Variants in PTPRN2 observed in about 807,000 individuals in gnomAD.
The protein encoded by PTPRN2 is protein tyrosine phosphatase receptor type N2.
A neutral mutation model predicts 118.8 loss-of-function variants in PTPRN2; 74 were observed. That is an observed-to-expected ratio of 0.62 (90% CI 0.52 to 0.76). PTPRN2 has a LOEUF of 0.76. Among genes scored for constraint, PTPRN2 ranks in the 30% least tolerant of loss-of-function variants. PTPRN2 has a pLI of 0.00. For missense variants in PTPRN2, 1,481 were observed against 1,394.4 expected (o/e 1.06, Z -0.99); for synonymous variants, 641 against 608.0 (o/e 1.05, Z -0.80).
intron 2 of PTPRN2, among the ~76,000 whole-genome samples, chr7:158,397,080 AATT>A (rs1342005903): frequency 6.6e-6 from 1 of 152,218 alleles, no homozygotes; most frequent in Non-Finnish European, 1.5e-5. Flanking sequence ...TTGCTCTTTT[AATT>A]ATTCTGAAAG....
intron 12 of PTPRN2, among the ~76,000 whole-genome samples, chr7:157,839,986 CTGTGTGGCCG>C (rs1428254088): frequency 1.4e-5 from 2 of 144,262 alleles, no homozygotes; most frequent in Non-Finnish European, 3.0e-5. Flanking sequence ...CCACATTTGA[CTGTGTGGCCG>C]TGTGTGACTG....
intron 2 of PTPRN2, among the ~76,000 whole-genome samples, chr7:158,468,600 T>C (rs1819552992): frequency 6.6e-6 from 1 of 152,134 alleles, no homozygotes; most frequent in African/African-American, 2.4e-5. Context: ...GCTGACCCCC[T>C]TGTTTTGCAC....
intron 8 of PTPRN2, 60 bp downstream of exon 8, chr7:158,136,595 A>G: frequency 6.5e-7 from 1 of 1,546,906 alleles, no homozygotes; most frequent in Non-Finnish European, 8.9e-7. Context: ...CACACCATGA[A>G]CAAAAAGATC....
intron 2 of PTPRN2, among the ~76,000 whole-genome samples, chr7:158,452,655 G>A (rs540968643): frequency 2.0e-5 from 3 of 152,338 alleles, no homozygotes; most frequent in South Asian, 4.1e-4. Flanking sequence ...TGGGGGGCTC[G>A]ATAAGACAGG....
At chr7:157,752,486 G>A (rs778536854) in intron 12 of PTPRN2, among the ~76,000 whole-genome samples, 9 of 152,202 alleles carry the variant, frequency 5.9e-5, no homozygotes, top group Non-Finnish European at 1.2e-4. Flanking sequence ...CGACTGGTGC[G>A]CGGTGTGGCT....
chr7:158,155,363 G>A (rs1821611389), intron 6 of PTPRN2, among the ~76,000 whole-genome samples: 1 of 152,108 alleles, frequency 6.6e-6, no homozygotes, highest in Admixed American at 6.6e-5. Flanking sequence ...GCTCCTAAGT[G>A]CCTTTACAAC....
At chr7:158,562,524 A>T (rs185023490) in intron 1 of PTPRN2, among the ~76,000 whole-genome samples, 32 of 152,314 alleles carry the variant, frequency 2.1e-4, no homozygotes, top group Admixed American at 1.9e-3. Context: ...ACAGCAGCAG[A>T]GGAAATGCAA....
Position 157,883,067 on chromosome 7 carries a change from A to C in PTPRN2, c.1788+15606T>G, listed in dbSNP as rs556398765. On this transcript the variant is annotated intron_variant, in intron 12 of 22. Coordinates refer to ENST00000389418, the MANE Select transcript of PTPRN2 (RefSeq NM_002847.5). The stretch of plus-strand genomic sequence containing the variant: ...GGAGATCAAAACACACCACCTCAAA[A>C]TGACTGTTGTTGGAGACCAGAACAC... 3.1e-4 allele frequency among the ~76,000 whole-genome samples: 47 copies of C among 151,042 alleles called. 1 individual carries two copies. The highest frequency in any genetic ancestry group is 4.2e-4 in the South Asian group (2 of 4,724).
intron 18 of PTPRN2, among the ~76,000 whole-genome samples, chr7:157,577,626 C>A (rs1010590842): frequency 1.3e-5 from 2 of 152,198 alleles, no homozygotes; most frequent in African/African-American, 4.8e-5. Flanking sequence ...TAAAAACGGA[C>A]CCCACTTAAA....
intron 4 of PTPRN2, among the ~76,000 whole-genome samples, chr7:158,199,422 G>T (rs1006723422): frequency 6.6e-6 from 1 of 152,228 alleles, no homozygotes; most frequent in Admixed American, 6.5e-5. Flanking sequence ...TGTGGGAAGA[G>T]AAGAACCAGC....
intron 5 of PTPRN2, among the ~76,000 whole-genome samples, chr7:158,173,765 C>T (rs1823930373): frequency 6.6e-6 from 1 of 152,162 alleles, no homozygotes; most frequent in Non-Finnish European, 1.5e-5. Context: ...GCATTCCTTC[C>T]CCAGGATTAT....
At chr7:157,890,000 A>T (rs1170377720) in intron 12 of PTPRN2, among the ~76,000 whole-genome samples, 1 of 152,220 alleles carries the variant, frequency 6.6e-6, no homozygotes, top group Non-Finnish European at 1.5e-5. Context: ...AAAATTTTAA[A>T]TGAAATCACA....
At chr7:158,282,800 A>T (rs550739932) in intron 3 of PTPRN2, among the ~76,000 whole-genome samples, 4 of 140,438 alleles carry the variant, frequency 2.8e-5, no homozygotes, top group South Asian at 4.6e-4. Context: ...CAGACAGCTG[A>T]TCCCTCCTCG....
chr7:158,472,297 G>A (rs977486698), intron 2 of PTPRN2, among the ~76,000 whole-genome samples: 10 of 152,180 alleles, frequency 6.6e-5, no homozygotes, highest in African/African-American at 9.7e-5. Context: ...ATGGGAAGAC[G>A]CCCGATCAGT....
chr7:157,785,792 T>C lies in PTPRN2; in HGVS notation c.1789-102855A>G, dbSNP rs1803998038. 6.6e-6 allele frequency among the ~76,000 whole-genome samples: 1 copy of C among 152,104 alleles called. No homozygotes were observed. Among genetic ancestry groups the C allele is most frequent in the African/African-American group, 2.4e-5 (1 of 41,432 alleles). On this transcript the variant is annotated intron_variant, in intron 12 of 22. Coordinates refer to ENST00000389418, the MANE Select transcript of PTPRN2 (RefSeq NM_002847.5). This position sits in a 1 kb window ranked among gnomAD's most constrained non-coding sequence, Gnocchi z 7.3. Reference sequence around the variant, plus strand: ...CAGTCTAGCAGCTGCCACGCCCGGCTGGGAGCTGAGACGCGCAGGGGGCCC... The same window carrying C: ...CAGTCTAGCAGCTGCCACGCCCGGCCGGGAGCTGAGACGCGCAGGGGGCCC...
At position 158,308,706 on chromosome 7, in the gene PTPRN2, C is replaced by G. The variant is rs114172479; in HGVS notation, c.277+8113G>C. Reference sequence around the variant, plus strand: ...GAATTAATAATTAAATTAATATTAACTTGGTGTTAATAAAATTAAATAATA... The same window carrying G: ...GAATTAATAATTAAATTAATATTAAGTTGGTGTTAATAAAATTAAATAATA... On this transcript the variant is annotated intron_variant, in intron 3 of 22. Coordinates refer to ENST00000389418, the MANE Select transcript of PTPRN2 (RefSeq NM_002847.5). 9.7e-3 allele frequency among the ~76,000 whole-genome samples: 1,472 copies of G among 152,060 alleles called. 28 individuals are homozygous for G. The highest frequency in any genetic ancestry group is 0.034 in the African/African-American group (1,402 of 41,500).
intron 14 of PTPRN2, among the ~76,000 whole-genome samples, chr7:157,643,883 C>T (rs1225587729): frequency 6.6e-6 from 1 of 152,226 alleles, no homozygotes; most frequent in African/African-American, 2.4e-5. Context: ...TGGCAGGTGA[C>T]AGCCCAGGGC....
chr7:158,249,152 A>G (rs1338226020), intron 3 of PTPRN2, among the ~76,000 whole-genome samples: 4 of 151,248 alleles, frequency 2.6e-5, no homozygotes, highest in African/African-American at 9.7e-5. Flanking sequence ...TCACATATTC[A>G]TATCACCACA....
At chr7:158,476,340 A>G (rs535806917) in intron 2 of PTPRN2, among the ~76,000 whole-genome samples, 4 of 152,234 alleles carry the variant, frequency 2.6e-5, no homozygotes, top group Non-Finnish European at 5.9e-5. Flanking sequence ...TCGTTTCTCC[A>G]CTATTTATGA....
Sources: gnomAD v4.1 joint callset for allele counts (sites outside exome capture counted in the v4.1 genomes callset) on GRCh38, gnomAD v4.1.1 for gene constraint, Gnocchi (gnomAD v3.1) non-coding constraint, MANE v1.5 for transcripts, NCBI Gene and HGNC (gene_info 2026-07-23, HGNC 2026-07-21) for gene names.